The following LRWD1 variants were observed in gnomAD, a reference collection of about 807,000 sequenced individuals.
The protein encoded by LRWD1 is leucine-rich repeat and WD repeat-containing protein 1.
Under a neutral mutation model 75.6 loss-of-function variants are expected in LRWD1, and 76 were observed. That is an observed-to-expected ratio of 1.01 (90% CI 0.84 to 1.22). The LOEUF (loss-of-function observed/expected upper bound fraction) is 1.22, where lower values mean the gene tolerates loss of function less well. LRWD1 is among the 50% of genes most tolerant of loss of function. The pLI is 0.00. For synonymous variants in LRWD1, 487 were observed against 377.0 expected, an observed-to-expected ratio of 1.29 and a Z score of -3.38; for missense variants, 917 against 862.0, an observed-to-expected ratio of 1.06 and a Z score of -0.80.
rs1563655217 is a variant in LRWD1 at position 102,468,195 on chromosome 7, GAGGTGGCAAGGAGC to G, written c.804+17_804+30del. 2 of 1,605,382 alleles carry G rather than the reference GAGGTGGCAAGGAGC, an allele frequency of 1.2e-6. No individual in the cohort carries two copies. The highest frequency in any genetic ancestry group is 1.7e-6 in the Non-Finnish European group (2 of 1,177,082). ...GGCTCCGATGGCAGCCAGGTGAGCT[GAGGTGGCAAGGAGC>G]AGGTGGCAGATGAGTCGGGGCTGGG... is the stretch of plus-strand genomic sequence containing the variant. On this transcript the variant is annotated intron_variant, in intron 6 of 14. Transcript: ENST00000292616.
chr7:102,467,647 CT>C, intron 4 of LRWD1, 71 bp from the exon 5 acceptor site: 4 of 1,516,184 alleles, frequency 2.6e-6, no homozygotes, highest in Non-Finnish European at 3.6e-6. Context: ...TAAGCTCCCC[CT>C]GACTATGCAT....
Position 102,469,836 on chromosome 7 carries a change from G to GGCAGCT in LRWD1, c.1398_1399insAGCTGC (p.Gly466_Cys467insSerCys), listed in dbSNP as rs767149768. On this transcript the variant is annotated inframe_insertion, in exon 11 of 15. Coordinates refer to ENST00000292616, the MANE Select transcript of LRWD1 (RefSeq NM_152892.3). Reference sequence around the variant, plus strand: ...CCGCCTGCTGGCCGGCTGCGAGGGCGGCTGCTGCTGCTGGGACGTGCGGCT... The same window carrying GGCAGCT: ...CCGCCTGCTGGCCGGCTGCGAGGGCGGCAGCTGCTGCTGCTGCTGGGACGTGCGGCT... 1 of 1,604,194 alleles carries GGCAGCT rather than the reference G, an allele frequency of 6.2e-7. No individual in the cohort carries two copies. Among genetic ancestry groups the GGCAGCT allele is most frequent in the South Asian group, 1.1e-5 (1 of 90,388 alleles).
At position 102,468,138 on chromosome 7, in the gene LRWD1, C is replaced by T. The variant is rs750100070; in HGVS notation, c.755C>T (p.Pro252Leu). Residue 252 changes from proline to leucine, a missense_variant, in exon 6 of 15, where the codon CCG becomes CTG. By Grantham distance (98) the Pro-to-Leu change is moderately conservative (BLOSUM62 -3). Transcript: ENST00000292616. ...CCCAGCAAGCGGGCGTGTGCCTCCC[C>T]GTCGGCCCAGGTGGAGGGCAGCCCT... ...LSPSKRACASPSAQVEGSPVA... is the reference protein window; with the variant it reads ...LSPSKRACASLSAQVEGSPVA... 129 of 1,607,680 alleles carry T rather than the reference C, an allele frequency of 8.0e-5. 1 individual carries two copies. Among genetic ancestry groups the T allele is most frequent in the Middle Eastern group, 6.6e-4 (4 of 6,076 alleles).
At position 102,468,973 on chromosome 7, in the gene LRWD1, G is replaced by A. The variant is rs376560819; in HGVS notation, c.1139G>A (p.Arg380His). 27 of 1,612,500 alleles carry A rather than the reference G, an allele frequency of 1.7e-5. No individual in the cohort carries two copies. Among genetic ancestry groups the A allele is most frequent in the African/African-American group, 5.3e-5 (4 of 74,890 alleles). ...GGCCTGGTCCGGCTGCTGCACGTGC[G>A]TGCCGGCTTCTGCTGCGGGGTCATC... ...LRGLVRLLHV[R>H]AGFCCGVIRA... Residue 380 changes from arginine (R) to histidine (H), a missense_variant, in exon 9 of 15, where the codon CGT (arginine) becomes CAT (histidine). Arg to His is a conservative substitution (Grantham distance 29). Transcript: ENST00000292616.
chr7:102,467,166 T>TG lies in LRWD1; in HGVS notation c.433-172dup, dbSNP rs1181019609. On this transcript the variant is annotated intron_variant, in intron 3 of 14. Coordinates refer to ENST00000292616, the MANE Select transcript of LRWD1 (RefSeq NM_152892.3). ...GCACCTGGGTTGTTGCTGGGGTGTG[T>TG]GTGGGGTGTGTGTGTGTGTGTGTGT... Among the ~76,000 whole-genome samples, 15 of 53,186 alleles carry TG rather than the reference T, an allele frequency of 2.8e-4. 1 individual carries two copies. Among genetic ancestry groups the TG allele is most frequent in the East Asian group, 2.7e-3 (6 of 2,250 alleles). 34.9% of individuals were successfully genotyped at this position (53,186 alleles called of 152,430 possible). A position where few individuals can be genotyped will look rare whatever the true frequency, so the allele number is the denominator to read the frequency against.
intron 9 of LRWD1, 86 bp downstream of exon 9, chr7:102,469,148 GC>G: frequency 7.8e-7 from 1 of 1,287,434 alleles, no homozygotes; most frequent in Non-Finnish European, 1.1e-6. Flanking sequence ...CCCTGGGATG[GC>G]TGTGAGCTCG....
chr7:102,467,209 T>C, intron 3 of LRWD1, 130 bp from the exon 4 acceptor site: 1 of 770,736 alleles, frequency 1.3e-6, no homozygotes, highest in South Asian at 1.7e-5. Context: ...TGTGTGTGTG[T>C]GTGTGTTTTA....
chr7:102,469,792 T>C lies in LRWD1; in HGVS notation c.1352T>C (p.Val451Ala). ...TCTATCCCCCTGCGCCTCTGCCCTGTCGCCTCCTGCCCGGACGCCCGCCTG... is the reference window on the plus strand; with the variant it reads ...TCTATCCCCCTGCGCCTCTGCCCTGCCGCCTCCTGCCCGGACGCCCGCCTG... ...TTSIPLRLCP[V>A]ASCPDARLLA... The change falls in exon 11 of 15, where the codon GTC becomes GCC. Residue 451 changes from valine (V) to alanine (A), a missense_variant. Physicochemically the swap from Val to Ala is moderately conservative, Grantham distance 64. Transcript: ENST00000292616. The C allele has an allele frequency of 9.9e-6, 16 of 1,609,452 alleles. 1 individual carries two copies. The highest frequency in any genetic ancestry group is 1.4e-5 in the Non-Finnish European group (16 of 1,177,662).
rs888174930 is a variant in LRWD1, at chr7:102,472,269, G to C, written c.1494G>C (p.Arg498=). Residue 498 remains arginine, a synonymous_variant, in exon 12 of 15, where the codon CGG becomes CGC. Transcript: ENST00000292616. Reference sequence around the variant, plus strand: ...CTGAGGGCTCCGAGGCATCTGGACGGAGAGTGGATGGGCTGGCATTTGTGA... The same window carrying C: ...CTGAGGGCTCCGAGGCATCTGGACGCAGAGTGGATGGGCTGGCATTTGTGA... ...VFSEGSEASG[R]RVDGLAFVNE... The C allele has an allele frequency of 2.5e-6, 4 of 1,593,670 alleles. No homozygotes were observed. The African/African-American group carries it at 5.4e-5, about 21-fold the overall frequency.
chr7:102,467,344 A>T lies in LRWD1; in HGVS notation c.438A>T (p.Thr146=), dbSNP rs2133265687. 1 of 1,606,274 alleles carries T rather than the reference A, an allele frequency of 6.2e-7. No individual in the cohort carries two copies. Among genetic ancestry groups the T allele is most frequent in the East Asian group, 2.2e-5 (1 of 44,494 alleles). ...TCTGGTCCCTCTTGCACCAGGTCAC[A>T]GCTCACTGGGAGAAGTTCATGGCCA... ...NLNRELTSRV[T]AHWEKFMATL... is the part of the protein sequence containing the mutation. The change falls in exon 4 of 15, where the codon ACA becomes ACT. Residue 146 remains threonine, a synonymous_variant. Coordinates refer to ENST00000292616, the MANE Select transcript of LRWD1 (RefSeq NM_152892.3).
chr7:102,469,305 C>G (rs972560589), intron 9 of LRWD1, among the ~76,000 whole-genome samples: 1 of 152,194 alleles, frequency 6.6e-6, no homozygotes, highest in Non-Finnish European at 1.5e-5. Context: ...TGTCAGTGAC[C>G]TGGGGGGATG....
chr7:102,465,194 C>CGGGG, intron 1 of LRWD1, 34 bp downstream of exon 1: 4 of 1,416,556 alleles, frequency 2.8e-6, no homozygotes, highest in Non-Finnish European at 3.7e-6. Flanking sequence ...GCTGTGTCCT[C>CGGGG]GGGGCCGGGC....
rs755158091 is a variant in LRWD1, at chr7:102,466,271, G to C, written c.432+1G>C. ...CCTGAATCGGGAGCTGACCAGCAGG[G>C]TAAGGGGATGAGAGGATTATTGTGT... is the stretch of plus-strand genomic sequence containing the variant. On this transcript the variant is annotated splice_donor_variant, in intron 3 of 14. Transcript: ENST00000292616. LOFTEE classifies it high-confidence loss of function. 4 of 1,609,712 alleles carry C rather than the reference G, an allele frequency of 2.5e-6. No individual in the cohort carries two copies. The highest frequency in any genetic ancestry group is 8.5e-7 in the Non-Finnish European group (1 of 1,176,236).
intron 3 of LRWD1, among the ~76,000 whole-genome samples, chr7:102,466,814 T>C: frequency 7.1e-6 from 1 of 140,626 alleles, no homozygotes; most frequent in African/African-American, 2.7e-5. Flanking sequence ...AGGGTCTCGC[T>C]CTGCTGCCCA....
Position 102,468,177 on chromosome 7 carries a change from A to C in LRWD1, c.794A>C (p.Asp265Ala), listed in dbSNP as rs112002983. The C allele has an allele frequency of 1.3e-4, 216 of 1,605,820 alleles. 1 individual carries two copies. In the African/African-American group the frequency reaches 2.3e-3, roughly 17 times the overall value. ...QVEGSPVAGS[D>A]GSQPAVKLEP... is the part of the protein sequence containing the mutation. The stretch of plus-strand genomic sequence containing the variant: ...GAGGGCAGCCCTGTGGCAGGCTCCG[A>C]TGGCAGCCAGGTGAGCTGAGGTGGC... The change falls in exon 6 of 15, where the codon GAT (aspartate) becomes GCT (alanine). Residue 265 changes from aspartate to alanine, a missense_variant. Asp to Ala is a moderately radical substitution (Grantham distance 126). Coordinates refer to ENST00000292616, the MANE Select transcript of LRWD1 (RefSeq NM_152892.3).
Position 102,465,820 on chromosome 7 carries a change from G to T in LRWD1, c.84G>T (p.Leu28=), listed in dbSNP as rs1275279869. ...AGCCTTCTGCCCCCAACTCCAGCCT[G>T]TCAGGATTGGAGCTGCTTTCCGAGC... ...DRLGKIRSLD[L]SGLELLSEHL... Residue 28 remains leucine, a synonymous_variant, in exon 2 of 15, where the codon CTG becomes CTT. Transcript: ENST00000292616. The T allele has an allele frequency of 1.9e-6, 3 of 1,612,438 alleles. No individual in the cohort carries two copies. The African/African-American group carries it at 4.0e-5, about 22-fold the overall frequency.
In LRWD1 at chr7:102,468,027, C is replaced by T; in HGVS notation, c.679-35C>T. On this transcript the variant is annotated intron_variant, in intron 5 of 14. Transcript: ENST00000292616. ...TGATGGGGAGGAAGGAAGCCCCAGGCAGACAGGCCCATGGTCACAAGGCCC... is the reference window on the plus strand; with the variant it reads ...TGATGGGGAGGAAGGAAGCCCCAGGTAGACAGGCCCATGGTCACAAGGCCC... 1.9e-6 allele frequency: 3 copies of T among 1,595,040 alleles called. No homozygotes were observed. The South Asian group carries it at 3.3e-5, about 18-fold the overall frequency.
intron 11 of LRWD1, chr7:102,471,800 G>GC (rs1314917465): frequency 4.9e-6 from 1 of 202,258 alleles, no homozygotes. Context: ...CTGGGCCATG[G>GC]CCCCCCATTC....
At chr7:102,467,170 GGGTGTGTGTGTGTGT>G (rs1798023818) in intron 3 of LRWD1, among the ~76,000 whole-genome samples, 154 bp from the exon 4 acceptor site, 10 of 54,342 alleles carry the variant, frequency 1.8e-4, no homozygotes, top group Admixed American at 8.0e-4. Context: ...GGTGTGTGTG[GGGTGTGTGTGTGTGT>G]GTGTGTGTGT....
Sources: allele counts gnomAD v4.1 joint callset (sites outside exome capture counted in the v4.1 genomes callset), GRCh38; gene constraint gnomAD v4.1.1; transcripts MANE v1.5; gene names NCBI Gene and HGNC (gene_info 2026-07-23, HGNC 2026-07-21).